ZNF433: variants seen among roughly 807,000 people sequenced by gnomAD.
The protein encoded by ZNF433 is zinc finger protein 433.
ZNF433 carries 12 observed loss-of-function variants against 10.6 expected under a neutral mutation model. That is an observed-to-expected ratio of 1.13 (90% CI 0.72 to 1.83). The LOEUF (loss-of-function observed/expected upper bound fraction) is 1.83, where lower values mean the gene tolerates loss of function less well. Among genes scored for constraint, ZNF433 ranks in the 40% most tolerant of loss-of-function variants. The probability of loss-of-function intolerance (pLI) is 0.00; values close to 1 mark genes in which losing one functional copy is unlikely to be tolerated. For synonymous variants in ZNF433, 272 were observed against 271.3 expected (o/e 1.00, Z -0.02); for missense variants, 737 against 798.0 (o/e 0.92, Z 0.92).
intron 1 of ZNF433, 148 bp from the exon 2 acceptor site, chr19:12,018,440 A>G: frequency 1.1e-6 from 1 of 869,716 alleles, no homozygotes; most frequent in Middle Eastern, 2.4e-4. Context: ...GTCTACACTC[A>G]GTTTCTTCCA....
intron 1 of ZNF433, chr19:12,030,242 G>C (rs778776150): frequency 7.1e-6 from 3 of 423,094 alleles, no homozygotes; most frequent in South Asian, 1.7e-5. Context: ...TTATTTTTTT[G>C]AGACGGAGTC....
chr19:12,028,809 A>C (rs1027290293), intron 1 of ZNF433, among the ~76,000 whole-genome samples: 1 of 152,120 alleles, frequency 6.6e-6, no homozygotes, highest in Non-Finnish European at 1.5e-5. Flanking sequence ...AGCTATCCCT[A>C]CCTTCCTGAG....
At chr19:12,017,826 T>C in intron 3 of ZNF433, 50 bp downstream of exon 3, 1 of 1,068,160 alleles carries the variant, frequency 9.4e-7, no homozygotes, top group Middle Eastern at 2.1e-4. Flanking sequence ...TTTTCTCCCA[T>C]TCTAAGATTT....
chr19:12,027,516 C>G (rs1974798629), intron 1 of ZNF433, among the ~76,000 whole-genome samples: 1 of 152,216 alleles, frequency 6.6e-6, no homozygotes, highest in Admixed American at 6.5e-5. Context: ...GTTCCTAACC[C>G]ACAAACAATA....
intron 1 of ZNF433, chr19:12,030,133 C>T (rs1209378940): frequency 1.2e-5 from 5 of 422,342 alleles, no homozygotes; most frequent in Non-Finnish European, 1.9e-5. Context: ...AGGAAGCAGG[C>T]TCTTACCAGG....
At chr19:12,027,805 G>T (rs978262151) in intron 1 of ZNF433, 2 of 152,172 alleles carry the variant, frequency 1.3e-5, no homozygotes, top group Admixed American at 6.6e-5. Flanking sequence ...TGACCAAGCT[G>T]GTCTTGGCAC....
chr19:12,019,680 A>T (rs543195173), intron 1 of ZNF433, among the ~76,000 whole-genome samples: 1 of 152,356 alleles, frequency 6.6e-6, no homozygotes, highest in African/African-American at 2.4e-5. Flanking sequence ...CCACATGTCC[A>T]TTGATGGCTG....
chr19:12,021,063 C>G (rs1216627655), intron 1 of ZNF433, among the ~76,000 whole-genome samples: 1 of 151,176 alleles, frequency 6.6e-6, no homozygotes, highest in African/African-American at 2.4e-5. Flanking sequence ...TCACTGCAAC[C>G]TCTGCCTCCA....
At chr19:12,021,465 C>T (rs1291237606) in intron 1 of ZNF433, among the ~76,000 whole-genome samples, 1 of 152,248 alleles carries the variant, frequency 6.6e-6, no homozygotes, top group Non-Finnish European at 1.5e-5. Context: ...CATCAACTTT[C>T]TCTTCCCTAA....
In ZNF433 at chr19:12,014,902, A is replaced by G; in HGVS notation, c.1956T>C (p.Phe652=). ...PYKCNQCGKV[F]RCSSQLQVHG... is the part of the protein sequence containing the mutation. ...GCACTTGAAGTTGTGAAGAACATCT[A>G]AAGACTTTACCACATTGGTTACATT... Residue 652 remains phenylalanine, a synonymous_variant, in exon 4 of 4, where the codon TTT becomes TTC. Transcript: ENST00000550507. The G allele has an allele frequency of 6.8e-6, 11 of 1,613,154 alleles. No homozygotes were observed. Among genetic ancestry groups the G allele is most frequent in the Non-Finnish European group, 8.5e-6 (10 of 1,179,462 alleles).
At position 12,016,342 on chromosome 19, in the gene ZNF433, G is replaced by A. The variant is rs374806336; in HGVS notation, c.516C>T (p.Cys172=). 181 of 1,614,152 alleles carry A rather than the reference G, an allele frequency of 1.1e-4. No homozygotes were observed. Among genetic ancestry groups the A allele is most frequent in the East Asian group, 8.5e-4 (38 of 44,876 alleles). The change falls in exon 4 of 4, where the codon TGC becomes TGT. Residue 172 remains cysteine (C), a synonymous_variant. Transcript: ENST00000550507. ...TTGAATGGGAAATAAATGTTTTTCC[G>A]CATTCCTCACAAACATAGAGTTTCC... is the stretch of plus-strand genomic sequence containing the variant. ...SGRKLYVCEE[C]GKTFISHSNL...
chr19:12,035,517 C>T lies in ZNF433; in HGVS notation c.3+20G>A. ...AACCAGCTCCTCCCCCGCCTCGGGA[C>T]CCCTGGCCCGCACGCTCACCATTTC... On this transcript the variant is annotated intron_variant, in intron 1 of 3. Transcript: ENST00000550507. 6.4e-7 allele frequency: 1 copy of T among 1,570,726 alleles called. No homozygotes were observed. Among genetic ancestry groups the T allele is most frequent in the Non-Finnish European group, 8.6e-7 (1 of 1,158,078 alleles).
At chr19:12,028,717 G>A (rs1974856876) in intron 1 of ZNF433, among the ~76,000 whole-genome samples, 1 of 152,024 alleles carries the variant, frequency 6.6e-6, no homozygotes, top group South Asian at 2.1e-4. Flanking sequence ...GTTTTGTTTA[G>A]GGACAGGTTC....
At chr19:12,027,200 G>A in intron 1 of ZNF433, 1 of 405,844 alleles carries the variant, frequency 2.5e-6, no homozygotes, top group Non-Finnish European at 4.7e-6. Flanking sequence ...AACACTTGGA[G>A]GCTCTGTGAT....
At chr19:12,017,637 C>T (rs1418825647) in intron 3 of ZNF433, among the ~76,000 whole-genome samples, 1 of 152,036 alleles carries the variant, frequency 6.6e-6, no homozygotes, top group Non-Finnish European at 1.5e-5. Flanking sequence ...TTAGTATGGC[C>T]CCAACCTCCT....
chr19:12,027,956 A>T (rs1974819947), intron 1 of ZNF433: 1 of 152,206 alleles, frequency 6.6e-6, no homozygotes, highest in Admixed American at 6.5e-5. Flanking sequence ...CAAACCATGT[A>T]CTAACCTGGC....
chr19:12,015,636 A>G lies in ZNF433; in HGVS notation c.1222T>C (p.Tyr408His). The G allele has an allele frequency of 1.2e-6, 2 of 1,610,588 alleles. No individual in the cohort carries two copies. The highest frequency in any genetic ancestry group is 1.1e-5 in the South Asian group (1 of 90,668). ...TCTCCAGTGTGAGTTCTTTCATGAT[A>G]TCGGAAGGAACTGGAAGAATTAAAG... The part of the protein sequence containing the change: ...KAFNSSSSFR[Y>H]HERTHTGEKP... The change falls in exon 4 of 4, where the codon TAT becomes CAT. Residue 408 changes from tyrosine to histidine, a missense_variant. Transcript: ENST00000550507.
Position 12,016,500 on chromosome 19 carries a change from T to C in ZNF433, c.358A>G (p.Ile120Val). ...GSAHSSLNRHIRDDTGHKAYE... is the reference protein window; with the variant it reads ...GSAHSSLNRHVRDDTGHKAYE... ...GCCTTGTGTCCAGTGTCATCTCTGA[T>C]GTGCCTATTAAGAGATGAATGAGCA... The change falls in exon 4 of 4, where the codon ATC becomes GTC. Residue 120 changes from isoleucine (I) to valine (V), a missense_variant. Ile to Val is a conservative substitution (Grantham distance 29). Transcript: ENST00000550507. The C allele has an allele frequency of 6.2e-7, 1 of 1,614,136 alleles. No individual in the cohort carries two copies.
At chr19:12,027,089 T>A (rs1599369784) in intron 1 of ZNF433, 1 of 450,514 alleles carries the variant, frequency 2.2e-6, no homozygotes, top group Non-Finnish European at 4.4e-6. Context: ...AGAACAAATA[T>A]TTAAAGCATC....
Sources: gnomAD v4.1 joint callset for allele counts (sites outside exome capture counted in the v4.1 genomes callset) on GRCh38, gnomAD v4.1.1 for gene constraint, MANE v1.5 for transcripts, NCBI Gene and HGNC (gene_info 2026-07-23, HGNC 2026-07-21) for gene names.